SPIDR: variants seen among roughly 807,000 people sequenced by gnomAD.
The protein encoded by SPIDR is scaffold protein involved in DNA repair, also known as DNA repair-scaffolding protein.
Under a neutral mutation model 104.6 loss-of-function variants are expected in SPIDR, and 93 were observed. That is an observed-to-expected ratio of 0.89 (90% CI 0.75 to 1.06). The LOEUF (loss-of-function observed/expected upper bound fraction) is 1.06. Among genes scored for constraint, SPIDR ranks in the 50% least tolerant of loss-of-function variants. The pLI is 0.00. For synonymous variants in SPIDR, 431 were observed against 416.9 expected (o/e 1.03, Z -0.41); for missense variants, 1,154 against 1,111.2 (o/e 1.04, Z -0.55).
At chr8:47,620,305 C>A (rs1484009962) in intron 10 of SPIDR, among the ~76,000 whole-genome samples, 3 of 138,076 alleles carry the variant, frequency 2.2e-5, no homozygotes, top group East Asian at 2.2e-4. Context: ...GACGGAGTCT[C>A]ACTCTGTCAC....
At chr8:47,419,204 T>C (rs1220521336) in intron 7 of SPIDR, 1 of 152,276 alleles carries the variant, frequency 6.6e-6, no homozygotes. Flanking sequence ...TACCAGCTCC[T>C]CCTTGTATCT....
chr8:47,502,416 G>A (rs919118275), intron 8 of SPIDR, among the ~76,000 whole-genome samples: 3 of 152,202 alleles, frequency 2.0e-5, no homozygotes, highest in African/African-American at 7.2e-5. Flanking sequence ...AGATTTTCTA[G>A]TTTATTTGCG....
intron 7 of SPIDR, among the ~76,000 whole-genome samples, chr8:47,435,326 CTGTGTGTGTG>C (rs4021912): frequency 8.2e-5 from 12 of 146,362 alleles, no homozygotes; most frequent in Admixed American, 1.4e-4. Flanking sequence ...TTGCTCAGAT[CTGTGTGTGTG>C]TGTGTGTGTG....
intron 9 of SPIDR, among the ~76,000 whole-genome samples, chr8:47,598,071 A>C (rs534301606): frequency 6.6e-6 from 1 of 152,392 alleles, no homozygotes; most frequent in East Asian, 1.9e-4. Flanking sequence ...AAGACTCTCG[A>C]ATCAATTTAA....
rs1333592055 is a variant in SPIDR, at chr8:47,656,152, A to G, written c.1545-17649A>G. On this transcript the variant is annotated intron_variant, in intron 10 of 19. Transcript: ENST00000297423. ...TCTTCCTAACCGTACATATTAGGCA[A>G]TGGTTTCTTAGATGTGACACCAAAA... Among the ~76,000 whole-genome samples the G allele has an allele frequency of 2.6e-5, 4 of 152,194 alleles. No homozygotes were observed. The South Asian group carries it at 6.2e-4, about 24-fold the overall frequency.
intron 8 of SPIDR, among the ~76,000 whole-genome samples, chr8:47,466,631 C>A (rs556292881): frequency 3.0e-4 from 46 of 151,548 alleles, no homozygotes; most frequent in African/African-American, 1.1e-3. Context: ...GAGGCCAAGG[C>A]AGGCGGATCA....
rs200076640 is a variant in SPIDR, at chr8:47,319,347, C to A, written c.525+25317C>A. Among the ~76,000 whole-genome samples, 21 of 152,182 alleles carry A rather than the reference C, an allele frequency of 1.4e-4. No individual in the cohort carries two copies. The East Asian group carries it at 1.9e-3, about 14-fold the overall frequency. ...CCAACAAAGATCAAAAGAGACAAAGCAGGCCATTATGTAATGGTAAAGGGA... is the reference window on the plus strand; with the variant it reads ...CCAACAAAGATCAAAAGAGACAAAGAAGGCCATTATGTAATGGTAAAGGGA... On this transcript the variant is annotated intron_variant, in intron 5 of 19. Coordinates refer to ENST00000297423, the MANE Select transcript of SPIDR (RefSeq NM_001080394.4).
At chr8:47,408,137 T>G in intron 7 of SPIDR, 176 bp downstream of exon 7, 1 of 362,918 alleles carries the variant, frequency 2.8e-6, no homozygotes, top group Non-Finnish European at 4.9e-6. Flanking sequence ...TTTAACTTGA[T>G]GAGTTTAAAA....
chr8:47,593,156 G>T (rs940561242), intron 8 of SPIDR, among the ~76,000 whole-genome samples: 2 of 152,132 alleles, frequency 1.3e-5, no homozygotes, highest in African/African-American at 2.4e-5. Context: ...AAAACACTGG[G>T]ATTACAGGCA....
chr8:47,531,451 A>G (rs1290225588), intron 8 of SPIDR, among the ~76,000 whole-genome samples: 1 of 152,212 alleles, frequency 6.6e-6, no homozygotes, highest in Non-Finnish European at 1.5e-5. Flanking sequence ...TATCCATGGT[A>G]GATCACTTGG....
At chr8:47,379,965 A>C (rs2059131001) in intron 5 of SPIDR, among the ~76,000 whole-genome samples, 2 of 152,062 alleles carry the variant, frequency 1.3e-5, no homozygotes, top group Admixed American at 6.5e-5. Context: ...CCTTCTCAGG[A>C]CTTCTCTCTC....
intron 10 of SPIDR, among the ~76,000 whole-genome samples, chr8:47,642,438 A>T (rs1042661079): frequency 3.3e-5 from 5 of 151,564 alleles, no homozygotes; most frequent in Non-Finnish European, 5.9e-5. Flanking sequence ...AAAAAGAAAA[A>T]GAATTCGACA....
At chr8:47,392,598 C>G (rs1379395560) in intron 5 of SPIDR, among the ~76,000 whole-genome samples, 1 of 152,170 alleles carries the variant, frequency 6.6e-6, no homozygotes, top group African/African-American at 2.4e-5. Flanking sequence ...TGGGTTGATG[C>G]TGAGAATTTT....
At chr8:47,575,311 T>G (rs552635013) in intron 8 of SPIDR, among the ~76,000 whole-genome samples, 141 of 152,264 alleles carry the variant, frequency 9.3e-4, no homozygotes, top group African/African-American at 3.3e-3. Context: ...CATTTCTGAT[T>G]TAAAAGAATA....
At chr8:47,452,245 C>A (rs2071932417) in intron 8 of SPIDR, among the ~76,000 whole-genome samples, 1 of 151,880 alleles carries the variant, frequency 6.6e-6, no homozygotes, top group Non-Finnish European at 1.5e-5. Flanking sequence ...ACTGTGAGGT[C>A]CAAAATCGAT....
chr8:47,641,264 A>G (rs1381254763), intron 10 of SPIDR, among the ~76,000 whole-genome samples: 1 of 152,126 alleles, frequency 6.6e-6, no homozygotes, highest in Admixed American at 6.5e-5. Flanking sequence ...TCCTCAAGCC[A>G]TACTCCAGCC....
intron 6 of SPIDR, among the ~76,000 whole-genome samples, chr8:47,402,612 A>T (rs920998706): frequency 3.9e-5 from 6 of 152,192 alleles, no homozygotes; most frequent in Admixed American, 3.3e-4. Flanking sequence ...GAAGAAATGG[A>T]TAAATTCCAG....
chr8:47,532,361 G>T (rs895639741), intron 8 of SPIDR, among the ~76,000 whole-genome samples: 1 of 152,118 alleles, frequency 6.6e-6, no homozygotes, highest in Non-Finnish European at 1.5e-5. Context: ...GAGCCACCAC[G>T]CCTGGCCCAG....
At chr8:47,612,409 C>T (rs1013865917) in intron 10 of SPIDR, among the ~76,000 whole-genome samples, 9 of 152,152 alleles carry the variant, frequency 5.9e-5, no homozygotes, top group Non-Finnish European at 1.3e-4. Flanking sequence ...AATTTTTGAA[C>T]GTAATTCTGG....
Sources: gnomAD v4.1 joint callset for allele counts (sites outside exome capture counted in the v4.1 genomes callset) on GRCh38, gnomAD v4.1.1 for gene constraint, MANE v1.5 for transcripts, NCBI Gene and HGNC (gene_info 2026-07-23, HGNC 2026-07-21) for gene names.